Variants in SLC16A10 observed in about 807,000 individuals in gnomAD.
SLC16A10 encodes monocarboxylate transporter 10.
SLC16A10 carries 27 observed loss-of-function variants against 40.0 expected under a neutral mutation model. That is an observed-to-expected ratio of 0.67 (90% CI 0.50 to 0.93). The LOEUF is 0.93. SLC16A10 is among the 40% of genes least tolerant of loss of function. The pLI is 0.00. For synonymous variants in SLC16A10, 213 were observed against 249.8 expected, an observed-to-expected ratio of 0.85 and a Z score of 1.39; for missense variants, 529 against 658.2, an observed-to-expected ratio of 0.80 and a Z score of 2.15.
At chr6:111,126,578 T>A (rs1049291269) in intron 1 of SLC16A10, among the ~76,000 whole-genome samples, 1 of 152,008 alleles carries the variant, frequency 6.6e-6, no homozygotes, top group African/African-American at 2.4e-5. Context: ...CTAGTTAGAG[T>A]CATGTGAGGC....
chr6:111,099,030 A>AAC (rs1771125965), intron 1 of SLC16A10, among the ~76,000 whole-genome samples: 1 of 152,218 alleles, frequency 6.6e-6, no homozygotes, highest in African/African-American at 2.4e-5. Context: ...TAAACTGAAA[A>AAC]AAGGATCTGA....
intron 1 of SLC16A10, among the ~76,000 whole-genome samples, chr6:111,120,584 C>T (rs1193964623): frequency 1.3e-5 from 2 of 152,112 alleles, no homozygotes; most frequent in Non-Finnish European, 2.9e-5. Context: ...TTTCTAAACA[C>T]TCTTTGTTTC....
intron 1 of SLC16A10, among the ~76,000 whole-genome samples, chr6:111,121,526 A>C (rs538947540): frequency 6.6e-6 from 1 of 152,350 alleles, no homozygotes; most frequent in South Asian, 2.1e-4. Flanking sequence ...ATGCCACTGC[A>C]CCCCAGCTTG....
intron 1 of SLC16A10, among the ~76,000 whole-genome samples, chr6:111,122,715 C>A (rs540757016): frequency 6.6e-6 from 1 of 151,996 alleles, no homozygotes; most frequent in Non-Finnish European, 1.5e-5. Flanking sequence ...GGTGTCAAAC[C>A]GCATTATTGA....
intron 1 of SLC16A10, among the ~76,000 whole-genome samples, chr6:111,112,071 C>A (rs1771397284): frequency 2.0e-5 from 3 of 151,994 alleles, no homozygotes. Flanking sequence ...TGCTCTGTTG[C>A]CCGGGCTGGA....
At chr6:111,169,129 T>C (rs1772536056) in intron 1 of SLC16A10, among the ~76,000 whole-genome samples, 1 of 152,102 alleles carries the variant, frequency 6.6e-6, no homozygotes, top group East Asian at 1.9e-4. Context: ...AGAGCTATAC[T>C]GTAATGGTGT....
intron 3 of SLC16A10, 37 bp downstream of exon 3, chr6:111,177,702 T>C: frequency 6.9e-7 from 1 of 1,452,874 alleles, no homozygotes; most frequent in Non-Finnish European, 9.1e-7. Context: ...AATATTACTA[T>C]TTAATAAAGA....
intron 1 of SLC16A10, among the ~76,000 whole-genome samples, chr6:111,168,632 G>A (rs1359517897): frequency 6.6e-6 from 1 of 152,198 alleles, no homozygotes; most frequent in Non-Finnish European, 1.5e-5. Context: ...AATAGCAGGT[G>A]ATAACTAATC....
At chr6:111,161,222 CAAAA>C (rs57463212) in intron 1 of SLC16A10, among the ~76,000 whole-genome samples, 1 of 42,426 alleles carries the variant, frequency 2.4e-5, no homozygotes, top group Non-Finnish European at 4.0e-5. Flanking sequence ...GACAGTGTCT[CAAAA>C]AAAAAAAAAA....
rs796622642 is a variant in SLC16A10, at chr6:111,163,287, G to A, written c.344-9408G>A. On this transcript the variant is annotated intron_variant, in intron 1 of 5. Transcript: ENST00000368851. ...CCTGCCTCAGCCTCCCAAGTAGCTG[G>A]GACTACAGGCGCCCGCCACTACGCC... Among the ~76,000 whole-genome samples the A allele has an allele frequency of 3.6e-3, 533 of 149,604 alleles. 3 individuals carry two copies. The highest frequency in any genetic ancestry group is 0.013 in the African/African-American group (514 of 40,994).
In SLC16A10 at chr6:111,222,096, C is replaced by T. The variant is rs375453220; in HGVS notation, c.1409C>T (p.Pro470Leu). Residue 470 changes from proline to leucine, a missense_variant, in exon 6 of 6, where the codon CCG becomes CTG. Physicochemically the swap from Pro to Leu is moderately conservative, Grantham distance 98 (BLOSUM62 -3). Coordinates refer to ENST00000368851, the MANE Select transcript of SLC16A10 (RefSeq NM_018593.5). ...LIGGAVLCFIPWIHSKKQREI... is the reference protein window; with the variant it reads ...LIGGAVLCFILWIHSKKQREI... ...GGAGGTGCTGTGCTTTGTTTTATCC[C>T]GTGGATCCATAGTAAGAAGCAAAGA... 2.7e-5 allele frequency: 44 copies of T among 1,608,106 alleles called. No homozygotes were observed. The highest frequency in any genetic ancestry group is 1.4e-4 in the Admixed American group (8 of 57,952).
chr6:111,113,349 A>G (rs1193320291), intron 1 of SLC16A10, among the ~76,000 whole-genome samples: 4 of 152,212 alleles, frequency 2.6e-5, no homozygotes, highest in South Asian at 2.1e-4. Flanking sequence ...TAAGGGCTCC[A>G]TGTGTGCTTG....
intron 3 of SLC16A10, among the ~76,000 whole-genome samples, chr6:111,196,214 A>G (rs1773077560): frequency 6.6e-6 from 1 of 152,122 alleles, no homozygotes; most frequent in African/African-American, 2.4e-5. Flanking sequence ...GCAGCTGCCT[A>G]TAGTCCCAGC....
chr6:111,173,734 C>A (rs1772629297), intron 2 of SLC16A10, among the ~76,000 whole-genome samples: 3 of 152,124 alleles, frequency 2.0e-5, no homozygotes, highest in South Asian at 4.1e-4. Flanking sequence ...CCCGTCACAC[C>A]CAGATGTGAC....
intron 1 of SLC16A10, among the ~76,000 whole-genome samples, chr6:111,134,602 G>A (rs188060758): frequency 2.6e-4 from 40 of 152,118 alleles, no homozygotes; most frequent in African/African-American, 8.9e-4. Context: ...TCAGGCAAGC[G>A]GACTTTGGAG....
In SLC16A10 at chr6:111,195,616, T is replaced by C. The variant is rs546030327; in HGVS notation, c.943-10976T>C. On this transcript the variant is annotated intron_variant, in intron 3 of 5. Transcript: ENST00000368851. ...AATTTCCAAAACAACCCTAATGAGG[T>C]GTTGCTGCCTAAATGGTGAACCAAA... Among the ~76,000 whole-genome samples, 153 of 152,258 alleles carry C rather than the reference T, an allele frequency of 1.0e-3. 1 individual carries two copies. The highest frequency in any genetic ancestry group is 3.6e-3 in the African/African-American group (150 of 41,540).
intron 1 of SLC16A10, among the ~76,000 whole-genome samples, chr6:111,139,249 AT>A (rs1342365868): frequency 6.6e-6 from 1 of 150,904 alleles, no homozygotes; most frequent in African/African-American, 2.4e-5. Flanking sequence ...TTTCTTCTTA[AT>A]TTTTTTCTTT....
At chr6:111,164,471 A>T (rs1162040251) in intron 1 of SLC16A10, among the ~76,000 whole-genome samples, 1 of 152,178 alleles carries the variant, frequency 6.6e-6, no homozygotes, top group Non-Finnish European at 1.5e-5. Flanking sequence ...CAAAAGCCCA[A>T]GAAGCAGGCT....
In SLC16A10 at chr6:111,172,824, C is replaced by A. The variant is rs773513280; in HGVS notation, c.473C>A (p.Ser158Tyr). The change falls in exon 2 of 6, where the codon TCC becomes TAC. Residue 158 changes from serine (S) to tyrosine (Y), a missense_variant. Ser to Tyr is a moderately radical substitution (Grantham distance 144). Transcript: ENST00000368851. ...GCTGTTGGATTTGTTGGGCTCATGT[C>A]CAGTTCTTTTGTAAGGTAAGGACTT... ...GAAVGFVGLMSSSFVSSIEPL... is the reference protein window; with the variant it reads ...GAAVGFVGLMYSSFVSSIEPL... The A allele has an allele frequency of 3.7e-6, 6 of 1,613,970 alleles. No homozygotes were observed. The South Asian group carries it at 6.6e-5, about 18-fold the overall frequency.
Sources: gnomAD v4.1 joint callset for allele counts (sites outside exome capture counted in the v4.1 genomes callset) on GRCh38, gnomAD v4.1.1 for gene constraint, MANE v1.5 for transcripts, NCBI Gene and HGNC (gene_info 2026-07-23, HGNC 2026-07-21) for gene names.